EML6: variants seen among roughly 807,000 people sequenced by gnomAD.
EML6 encodes the protein echinoderm microtubule-associated protein-like 6.
In EML6, 154 loss-of-function variants were observed where a neutral mutation model predicts 240.1. The ratio of observed to expected loss-of-function variants is 0.64; its 90% CI spans 0.56 to 0.73. EML6 has a LOEUF of 0.73. Ranked by LOEUF, EML6 falls within the 30% of genes least tolerant of loss-of-function variation. EML6 has a pLI of 0.00. For missense variants in EML6, 2,964 were observed against 2,474.6 expected (o/e 1.20, Z -4.20); for synonymous variants, 1,148 against 899.0 (o/e 1.28, Z -4.95).
chr2:54,969,570 TGAACAAGCTA>T (rs1231451757), intron 41 of EML6, among the ~76,000 whole-genome samples: 2 of 152,204 alleles, frequency 1.3e-5, no homozygotes, highest in Non-Finnish European at 2.9e-5. Flanking sequence ...AACCCAATTG[TGAACAAGCTA>T]GGAGTAAAAG....
At chr2:54,968,063 G>T in intron 39 of EML6, 65 bp from the exon 40 acceptor site, 1 of 1,471,388 alleles carries the variant, frequency 6.8e-7, no homozygotes, top group South Asian at 1.2e-5. Flanking sequence ...GGGAGGTGAT[G>T]ACTGACTGCA....
chr2:54,851,887 C>G (rs1670109640), intron 10 of EML6, among the ~76,000 whole-genome samples: 1 of 152,198 alleles, frequency 6.6e-6, no homozygotes, highest in Non-Finnish European at 1.5e-5. Flanking sequence ...GCTTGTTGGG[C>G]AATAATACTC....
intron 36 of EML6, 31 bp downstream of exon 36, chr2:54,962,742 C>G (rs1192306332): frequency 2.8e-6 from 4 of 1,438,638 alleles, no homozygotes; most frequent in African/African-American, 1.4e-5. Flanking sequence ...ACTCAGATGC[C>G]CACGAGTGGG....
intron 2 of EML6, among the ~76,000 whole-genome samples, chr2:54,795,768 A>G (rs1434116241): frequency 1.3e-5 from 2 of 152,230 alleles, no homozygotes; most frequent in Admixed American, 6.5e-5. Context: ...CCCGAATTCA[A>G]TACTTAATAC....
chr2:54,837,446 C>T (rs1669212435), intron 7 of EML6, among the ~76,000 whole-genome samples: 3 of 152,310 alleles, frequency 2.0e-5, no homozygotes, highest in Admixed American at 1.3e-4. Context: ...ATGCCACCTC[C>T]TAAGCACTCA....
intron 2 of EML6, among the ~76,000 whole-genome samples, chr2:54,745,359 A>G (rs753958055): frequency 6.6e-6 from 1 of 152,150 alleles, no homozygotes; most frequent in Non-Finnish European, 1.5e-5. Context: ...GCCTTCTATG[A>G]AAGGTAGCCA....
intron 2 of EML6, among the ~76,000 whole-genome samples, chr2:54,791,139 G>A: frequency 6.6e-6 from 1 of 152,216 alleles, no homozygotes; most frequent in South Asian, 2.1e-4. Context: ...GGTGTGAAGA[G>A]AAATTCAGAG....
At chr2:54,953,185 A>G (rs1156632092) in intron 31 of EML6, among the ~76,000 whole-genome samples, 1 of 152,042 alleles carries the variant, frequency 6.6e-6, no homozygotes, top group Non-Finnish European at 1.5e-5. Flanking sequence ...TTTAAGTTTA[A>G]TTTGGAACTT....
chr2:54,817,044 CTG>C (rs1309963834), intron 4 of EML6, among the ~76,000 whole-genome samples, 159 bp downstream of exon 4: 1 of 152,126 alleles, frequency 6.6e-6, no homozygotes, highest in Non-Finnish European at 1.5e-5. Context: ...TAATAGCTAA[CTG>C]TGTTAATGTG....
chr2:54,823,817 C>G (rs888469113), intron 5 of EML6, among the ~76,000 whole-genome samples: 40 of 142,536 alleles, frequency 2.8e-4, no homozygotes, highest in African/African-American at 1.0e-3. Flanking sequence ...ACCATTTAAT[C>G]TCCCTGAGGC....
intron 11 of EML6, among the ~76,000 whole-genome samples, chr2:54,857,027 T>C (rs1450662463): frequency 6.6e-6 from 1 of 152,094 alleles, no homozygotes; most frequent in African/African-American, 2.4e-5. Flanking sequence ...GAAAAGAAAG[T>C]AATCAAGGAT....
In EML6 at chr2:54,873,564, G is replaced by T. The variant is rs564640982; in HGVS notation, c.2344+1959G>T. On this transcript the variant is annotated intron_variant, in intron 16 of 41. Transcript: ENST00000356458. ...GAAGCTGTAATTTTAGTTCAAATACGATTGTATTTCAAAGATGTGGATGAA... is the reference window on the plus strand; with the variant it reads ...GAAGCTGTAATTTTAGTTCAAATACTATTGTATTTCAAAGATGTGGATGAA... 3.2e-3 allele frequency among the ~76,000 whole-genome samples: 489 copies of T among 151,614 alleles called. 4 individuals are homozygous for T. The highest frequency in any genetic ancestry group is 0.012 in the African/African-American group (476 of 41,304).
chr2:54,789,336 A>T (rs1032185858), intron 2 of EML6, among the ~76,000 whole-genome samples: 1 of 151,174 alleles, frequency 6.6e-6, no homozygotes, highest in Admixed American at 6.6e-5. Context: ...ACACGGTGAA[A>T]CCCCGTCTCT....
At chr2:54,802,136 A>G (rs966940453) in intron 2 of EML6, among the ~76,000 whole-genome samples, 3 of 152,188 alleles carry the variant, frequency 2.0e-5, no homozygotes, top group African/African-American at 7.2e-5. Context: ...AAAACAGACT[A>G]TAAAATCCCT....
intron 9 of EML6, among the ~76,000 whole-genome samples, chr2:54,848,284 G>C (rs546198442): frequency 1.2e-4 from 19 of 152,084 alleles, no homozygotes; most frequent in Admixed American, 2.0e-4. Context: ...CACATGTTTT[G>C]TAATTATAGA....
chr2:54,925,317 GAAAT>G (rs1356598822), intron 26 of EML6, among the ~76,000 whole-genome samples: 5 of 152,156 alleles, frequency 3.3e-5, no homozygotes, highest in Admixed American at 6.5e-5. Flanking sequence ...AAAACTGTGA[GAAAT>G]AAATTTCTGC....
Position 54,827,707 on chromosome 2 carries a change from T to C in EML6, c.667T>C (p.Trp223Arg). The change falls in exon 6 of 42, where the codon TGG (tryptophan) becomes CGG (arginine). Residue 223 changes from tryptophan (W) to arginine (R), a missense_variant. By Grantham distance (101) the Trp-to-Arg change is moderately radical (BLOSUM62 -3). Coordinates refer to ENST00000356458, the MANE Select transcript of EML6 (RefSeq NM_001039753.4). ...TGCTTTAAATGGTGACATCTATGTC[T>C]GGAAAGGGCTCAATTTAGTCCGCAC... Reference protein sequence around the residue: ...SGALNGDIYVWKGLNLVRTIQ... With the variant: ...SGALNGDIYVRKGLNLVRTIQ... 2 of 1,551,744 alleles carry C rather than the reference T, an allele frequency of 1.3e-6. No individual in the cohort carries two copies. Among genetic ancestry groups the C allele is most frequent in the Non-Finnish European group, 1.7e-6 (2 of 1,146,962 alleles).
chr2:54,857,597 TAAAGC>T, intron 11 of EML6, among the ~76,000 whole-genome samples: 1 of 151,982 alleles, frequency 6.6e-6, no homozygotes, highest in Non-Finnish European at 1.5e-5. Flanking sequence ...TGAAGAAAAA[TAAAGC>T]AAACAGTGGG....
At chr2:54,738,093 C>T (rs559398468) in intron 2 of EML6, among the ~76,000 whole-genome samples, 2 of 152,300 alleles carry the variant, frequency 1.3e-5, no homozygotes, top group Admixed American at 1.3e-4. Context: ...CTAACACATT[C>T]CTTATTGCAC....
Sources: gnomAD v4.1 joint callset for allele counts (sites outside exome capture counted in the v4.1 genomes callset) on GRCh38, gnomAD v4.1.1 for gene constraint, MANE v1.5 for transcripts, NCBI Gene and HGNC (gene_info 2026-07-23, HGNC 2026-07-21) for gene names.